AOPEP: variants seen among roughly 807,000 people sequenced by gnomAD.
The protein encoded by AOPEP is aminopeptidase O.
In AOPEP, 77 loss-of-function variants were observed where a neutral mutation model predicts 98.1. The observed-to-expected ratio is 0.78, with a 90% confidence interval of 0.65 to 0.95. AOPEP has a LOEUF of 0.95. Among genes scored for constraint, AOPEP ranks in the 40% least tolerant of loss-of-function variants. AOPEP has a pLI of 0.00. For missense variants in AOPEP, 1,024 were observed against 1,024.7 expected (o/e 1.00, Z 0.01); for synonymous variants, 346 against 365.3 (o/e 0.95, Z 0.60).
At chr9:94,959,962 C>T (rs1279144671) in intron 9 of AOPEP, among the ~76,000 whole-genome samples, 1 of 152,026 alleles carries the variant, frequency 6.6e-6, no homozygotes, top group Non-Finnish European at 1.5e-5. Flanking sequence ...GAGATAACTT[C>T]CCAAACTTAA....
Position 94,972,972 on chromosome 9 carries a change from C to T in AOPEP, c.1916+5171C>T, listed in dbSNP as rs972341818. Among the ~76,000 whole-genome samples the T allele has an allele frequency of 1.3e-5, 2 of 151,962 alleles. No homozygotes were observed. The highest frequency in any genetic ancestry group is 4.8e-5 in the African/African-American group (2 of 41,364). ...AAGGAAGAAAATAAGTAACTCTGCA[C>T]AGCTTTGAGATCCACCCACATGTAG... On this transcript the variant is annotated intron_variant, in intron 10 of 16. Coordinates refer to ENST00000375315, the MANE Select transcript of AOPEP (RefSeq NM_001193329.3). The surrounding 1 kb of genome is among the most constrained non-coding windows in gnomAD (Gnocchi z 4.2).
At chr9:94,816,277 T>A (rs1851681594) in intron 5 of AOPEP, among the ~76,000 whole-genome samples, 1 of 152,168 alleles carries the variant, frequency 6.6e-6, no homozygotes, top group Admixed American at 6.5e-5. Flanking sequence ...GCTAATAAGT[T>A]GTCAGCATAA....
the AOPEP span, among the ~76,000 whole-genome samples, chr9:95,105,716 C>A: frequency 6.6e-6 from 1 of 152,212 alleles, no homozygotes; most frequent in Admixed American, 6.5e-5. Flanking sequence ...AGGTGCCTCA[C>A]CTAAGTGACT....
rs1281542855 is a variant in AOPEP, at chr9:94,855,192, C to T, written c.1364+54190C>T. Among the ~76,000 whole-genome samples, 3 of 152,112 alleles carry T rather than the reference C, an allele frequency of 2.0e-5. No individual in the cohort carries two copies. The East Asian group carries it at 5.9e-4, about 30-fold the overall frequency. The stretch of plus-strand genomic sequence containing the variant: ...TCCCAGATTCAAGCGATTCTCCTAC[C>T]TCAGCCTCCTGAGTAGCTGGGACTA... On this transcript the variant is annotated intron_variant, in intron 5 of 16. Coordinates refer to ENST00000375315, the MANE Select transcript of AOPEP (RefSeq NM_001193329.3).
chr9:94,800,953 C>T lies in AOPEP; in HGVS notation c.1315C>T (p.Leu439=). ...SVLGAHPFSR[L]DVLIVPANFP... Reference sequence around the variant, plus strand: ...TCTGGGAGCACACCCGTTCTCTCGGCTGGATGTTCTCATCGTCCCTGCCAA... The same window carrying T: ...TCTGGGAGCACACCCGTTCTCTCGGTTGGATGTTCTCATCGTCCCTGCCAA... Residue 439 remains leucine (L), a synonymous_variant, in exon 5 of 17, where the codon CTG becomes TTG. Transcript: ENST00000375315. 1 of 1,614,196 alleles carries T rather than the reference C, an allele frequency of 6.2e-7. No individual in the cohort carries two copies. The highest frequency in any genetic ancestry group is 8.5e-7 in the Non-Finnish European group (1 of 1,180,030).
At chr9:95,148,509 A>G in the AOPEP span, among the ~76,000 whole-genome samples, 8 of 152,256 alleles carry the variant, frequency 5.3e-5, no homozygotes, top group African/African-American at 1.9e-4. Context: ...TTAGCTTTTA[A>G]GCAGAAATTA....
chr9:95,128,830 T>C, the AOPEP span, among the ~76,000 whole-genome samples: 1 of 152,166 alleles, frequency 6.6e-6, no homozygotes, highest in African/African-American at 2.4e-5. Context: ...TTTTAGCTTT[T>C]AAAACAGGTA....
intron 5 of AOPEP, among the ~76,000 whole-genome samples, chr9:94,825,162 T>A (rs528783708): frequency 2.6e-5 from 4 of 152,230 alleles, no homozygotes; most frequent in African/African-American, 9.6e-5. Context: ...TCCCCCAAGT[T>A]ACTATTTTTA....
At chr9:94,777,581 A>G (rs1842404892) in intron 3 of AOPEP, among the ~76,000 whole-genome samples, 1 of 151,688 alleles carries the variant, frequency 6.6e-6, no homozygotes, top group Non-Finnish European at 1.5e-5. Flanking sequence ...ATGTATTTGT[A>G]ATACATATAT....
rs11299818 is a variant in AOPEP, at chr9:94,877,427, C to CT, written c.1365-46544dup. On this transcript the variant is annotated intron_variant, in intron 5 of 16. Coordinates refer to ENST00000375315, the MANE Select transcript of AOPEP (RefSeq NM_001193329.3). The stretch of plus-strand genomic sequence containing the variant: ...ACCCTACTGGATTTTTTTTTCTTTT[C>CT]TTTTTTTTTTTTTTTGAGACAGTTT... Among the ~76,000 whole-genome samples, 981 of 124,816 alleles carry CT rather than the reference C, an allele frequency of 7.9e-3. 18 individuals carry two copies. Among genetic ancestry groups the CT allele is most frequent in the African/African-American group, 0.026 (900 of 34,996 alleles). 81.9% of individuals were successfully genotyped at this position (124,816 alleles called of 152,430 possible).
intron 5 of AOPEP, among the ~76,000 whole-genome samples, chr9:94,839,021 C>T (rs1223329231): frequency 6.7e-6 from 1 of 148,822 alleles, no homozygotes; most frequent in Non-Finnish European, 1.5e-5. Context: ...AGCTGTTTTC[C>T]TGCCTCAGCC....
chr9:94,897,855 T>TC (rs1177124410), intron 5 of AOPEP, among the ~76,000 whole-genome samples: 2 of 151,610 alleles, frequency 1.3e-5, no homozygotes, highest in Admixed American at 6.6e-5. Context: ...TTTTTTTTTT[T>TC]TGGATACAGA....
At chr9:94,931,778 T>C (rs1343402014) in intron 7 of AOPEP, 3 of 1,550,174 alleles carry the variant, frequency 1.9e-6, no homozygotes. Flanking sequence ...CTGTTCAACA[T>C]GTTTGACCAC....
intron 1 of AOPEP, among the ~76,000 whole-genome samples, chr9:94,745,432 T>C (rs1265190130): frequency 6.6e-6 from 1 of 152,022 alleles, no homozygotes; most frequent in African/African-American, 2.4e-5. Flanking sequence ...CCTGCCACCA[T>C]GCCCGGCTAA....
chr9:94,762,630 G>T (rs190007938), intron 2 of AOPEP, among the ~76,000 whole-genome samples: 49 of 152,256 alleles, frequency 3.2e-4, no homozygotes, highest in African/African-American at 1.2e-3. Context: ...TGCCATTTGT[G>T]CAGTCTTCTG....
chr9:94,767,980 G>A (rs1215411438), intron 2 of AOPEP, among the ~76,000 whole-genome samples: 2 of 152,290 alleles, frequency 1.3e-5, no homozygotes, highest in Non-Finnish European at 2.9e-5. Context: ...CTGGTTCTTT[G>A]TGGCACAAGA....
intron 1 of AOPEP, among the ~76,000 whole-genome samples, chr9:94,729,529 C>T (rs1020903671): frequency 2.0e-5 from 3 of 149,964 alleles, no homozygotes; most frequent in African/African-American, 4.9e-5. Flanking sequence ...GCTGTGGTGG[C>T]GCCACTGCAC....
At chr9:94,937,860 C>G (rs1008630561) in intron 7 of AOPEP, among the ~76,000 whole-genome samples, 19 of 152,054 alleles carry the variant, frequency 1.2e-4, no homozygotes, top group African/African-American at 4.6e-4. Context: ...ACCATTTTTG[C>G]CCTACAAGAA....
intron 13 of AOPEP, among the ~76,000 whole-genome samples, chr9:95,052,443 G>T (rs954023434): frequency 6.6e-6 from 1 of 152,158 alleles, no homozygotes; most frequent in African/African-American, 2.4e-5. Context: ...TAAGAGCTGA[G>T]TTTTTTCCCC....
Sources: gnomAD v4.1 joint callset for allele counts (sites outside exome capture counted in the v4.1 genomes callset) on GRCh38, gnomAD v4.1.1 for gene constraint, Gnocchi (gnomAD v3.1) non-coding constraint, MANE v1.5 for transcripts, NCBI Gene and HGNC (gene_info 2026-07-23, HGNC 2026-07-21) for gene names.